The following HERC6 variants were observed in gnomAD, a reference collection of about 807,000 sequenced individuals.
HERC6 encodes probable E3 ubiquitin-protein ligase HERC6.
Under a neutral mutation model 114.5 loss-of-function variants are expected in HERC6, and 101 were observed. The observed-to-expected ratio is 0.88, with a 90% CI of 0.75 to 1.04. HERC6 has a LOEUF of 1.04. Among genes scored for constraint, HERC6 ranks in the 50% least tolerant of loss-of-function variants. The probability of loss-of-function intolerance (pLI) is 0.00; values close to 1 mark genes in which losing one functional copy is unlikely to be tolerated. For missense variants in HERC6, 1,133 were observed against 1,230.9 expected, an observed-to-expected ratio of 0.92 and a Z score of 1.19; for synonymous variants, 408 against 436.2, an observed-to-expected ratio of 0.94 and a Z score of 0.81.
At chr4:88,379,160 G>T in intron 1 of HERC6, 40 bp downstream of exon 1, 2 of 1,447,186 alleles carry the variant, frequency 1.4e-6, no homozygotes, top group Non-Finnish European at 1.8e-6. Flanking sequence ...GAGGACCCCA[G>T]TACATGGGCG....
At position 88,393,521 on chromosome 4, in the gene HERC6, T is replaced by G; in HGVS notation, c.698T>G (p.Leu233Arg). ...AACAAGCCTCTCTCAGTCGGTGCAC[T>G]GAAGAATCTAGGTGTGGTTTATATC... ...QSNKPLSVGALKNLGVVYISC... is the reference protein window; with the variant it reads ...QSNKPLSVGARKNLGVVYISC... The change falls in exon 5 of 23, where the codon CTG (leucine) becomes CGG (arginine). Residue 233 changes from leucine (L) to arginine (R), a missense_variant. Leu to Arg is a moderately radical substitution (Grantham distance 102). Coordinates refer to ENST00000264346, the MANE Select transcript of HERC6 (RefSeq NM_017912.4). 1 of 1,612,736 alleles carries G rather than the reference T, an allele frequency of 6.2e-7. No homozygotes were observed. Among genetic ancestry groups the G allele is most frequent in the Non-Finnish European group, 8.5e-7 (1 of 1,179,136 alleles).
In HERC6 at chr4:88,440,210, T is replaced by G; in HGVS notation, c.2802T>G (p.Ala934=). ...CTACTATACAGTTGTTTTGGAAGGC[T>G]TTCCACAAACTAACCTTGGATGAAA... is the stretch of plus-strand genomic sequence containing the variant. ...SHPTIQLFWK[A]FHKLTLDEKK... Residue 934 remains alanine (A), a synonymous_variant, in exon 22 of 23, where the codon GCT becomes GCG. Transcript: ENST00000264346. The G allele has an allele frequency of 6.2e-7, 1 of 1,606,216 alleles. No homozygotes were observed. Among genetic ancestry groups the G allele is most frequent in the Non-Finnish European group, 8.5e-7 (1 of 1,175,518 alleles).
At chr4:88,396,770 T>C (rs1212093758) in intron 6 of HERC6, 81 bp from the exon 7 acceptor site, 2 of 1,295,010 alleles carry the variant, frequency 1.5e-6, no homozygotes, top group African/African-American at 1.5e-5. Flanking sequence ...TTGTGTTTGT[T>C]ATTTTGTCTT....
At chr4:88,395,613 C>T (rs921557192) in intron 5 of HERC6, among the ~76,000 whole-genome samples, 41 of 152,058 alleles carry the variant, frequency 2.7e-4, no homozygotes, top group African/African-American at 9.9e-4. Flanking sequence ...ATATGAAACA[C>T]ATTATTAACT....
In HERC6 at chr4:88,385,553, C is replaced by T; in HGVS notation, c.414C>T (p.Tyr138=). 1 of 1,504,378 alleles carries T rather than the reference C, an allele frequency of 6.6e-7. No homozygotes were observed. The allele number at this position is 1,504,378 out of a possible 1,614,324, so 93.2% of individuals were successfully genotyped here. The change falls in exon 3 of 23, where the codon TAC becomes TAT. Residue 138 remains tyrosine (Y), a synonymous_variant. Coordinates refer to ENST00000264346, the MANE Select transcript of HERC6 (RefSeq NM_017912.4). ...TAATACAAGTTTCCTGTGGACACTA[C>T]CACTCCCTGGCATTATCAAAAGGTA... ...IKIIQVSCGH[Y]HSLALSKDSQ...
At chr4:88,404,588 A>G (rs564642173) in intron 8 of HERC6, among the ~76,000 whole-genome samples, 5 of 152,248 alleles carry the variant, frequency 3.3e-5, no homozygotes, top group Admixed American at 6.5e-5. Context: ...TCTTTTGGCT[A>G]TTGTAAATAA....
Position 88,432,706 on chromosome 4 carries a change from G to A in HERC6, c.2250+1401G>A, listed in dbSNP as rs1035722024. Among the ~76,000 whole-genome samples, 5 of 151,942 alleles carry A rather than the reference G, an allele frequency of 3.3e-5. No homozygotes were observed. The South Asian group carries it at 1.0e-3, about 32-fold the overall frequency. On this transcript the variant is annotated intron_variant, in intron 17 of 22. Coordinates refer to ENST00000264346, the MANE Select transcript of HERC6 (RefSeq NM_017912.4). Reference sequence around the variant, plus strand: ...ATTGCGCCATAGCACCCCAGCCTGGGCGACAGAGTGATACTCTGTTTCAAA... The same window carrying A: ...ATTGCGCCATAGCACCCCAGCCTGGACGACAGAGTGATACTCTGTTTCAAA...
chr4:88,400,368 GTTT>G (rs550173657), intron 8 of HERC6, among the ~76,000 whole-genome samples: 1 of 151,208 alleles, frequency 6.6e-6, no homozygotes, highest in African/African-American at 2.4e-5. Flanking sequence ...TGCCCAGCTG[GTTT>G]TTTTTTGTAG....
At position 88,379,207 on chromosome 4, in the gene HERC6, G is replaced by A. The variant is rs139330605; in HGVS notation, c.199+87G>A. On this transcript the variant is annotated intron_variant, in intron 1 of 22. Coordinates refer to ENST00000264346, the MANE Select transcript of HERC6 (RefSeq NM_017912.4). ...GTACCGGGCGCAGGGAACCGGGTGC[G>A]GAGCGCTGGGACCCGGGTGAGGGGC... is the stretch of plus-strand genomic sequence containing the variant. 3,936 of 1,117,702 alleles carry A rather than the reference G, an allele frequency of 3.5e-3. 98 individuals carry two copies. The African/African-American group carries it at 0.056, about 16-fold the overall frequency. 69.2% of individuals were successfully genotyped at this position (1,117,702 alleles called of 1,614,324 possible).
chr4:88,407,298 C>G (rs576135969), intron 10 of HERC6, among the ~76,000 whole-genome samples: 1 of 152,042 alleles, frequency 6.6e-6, no homozygotes, highest in East Asian at 1.9e-4. Context: ...CCAGGCTGGT[C>G]TCGAGCTACT....
intron 13 of HERC6, among the ~76,000 whole-genome samples, chr4:88,423,162 C>T (rs1478644044): frequency 6.7e-6 from 1 of 149,602 alleles, no homozygotes; most frequent in Admixed American, 6.7e-5. Flanking sequence ...ATTTGTTTTT[C>T]ATTTCCTTAA....
chr4:88,436,884 T>C, intron 18 of HERC6, 21 bp from the exon 19 acceptor site: 1 of 1,574,188 alleles, frequency 6.4e-7, no homozygotes, highest in South Asian at 1.2e-5. Flanking sequence ...ATATAATTTT[T>C]AAAACCAAAA....
intron 4 of HERC6, among the ~76,000 whole-genome samples, chr4:88,391,846 C>T (rs1553913735): frequency 2.6e-5 from 4 of 152,212 alleles, no homozygotes; most frequent in South Asian, 2.1e-4. Context: ...AACACCTAAC[C>T]TGTGCCAGTC....
chr4:88,379,715 T>C (rs1219225446), intron 1 of HERC6, among the ~76,000 whole-genome samples: 1 of 107,208 alleles, frequency 9.3e-6, no homozygotes, highest in Non-Finnish European at 1.7e-5. Context: ...ATATAATATA[T>C]AAATATATAT....
intron 8 of HERC6, among the ~76,000 whole-genome samples, chr4:88,402,472 C>T (rs183416669): frequency 1.3e-5 from 2 of 152,206 alleles, no homozygotes; most frequent in African/African-American, 4.8e-5. Flanking sequence ...TTATCTGACC[C>T]AAAATATCAG....
chr4:88,393,365 T>C (rs1735020973), intron 4 of HERC6, 123 bp from the exon 5 acceptor site: 2 of 420,596 alleles, frequency 4.8e-6, no homozygotes, highest in Admixed American at 7.9e-5. Context: ...GTTAGTGAAT[T>C]ATAAGAATAA....
intron 1 of HERC6, 102 bp downstream of exon 1, chr4:88,379,222 G>C: frequency 1.0e-6 from 1 of 970,708 alleles, no homozygotes; most frequent in African/African-American, 1.7e-5. Flanking sequence ...GCTGGGACCC[G>C]GGTGAGGGGC....
In HERC6 at chr4:88,442,246, G is replaced by A; in HGVS notation, c.2855G>A (p.Gly952Glu). Residue 952 changes from glycine (G) to glutamate (E), a missense_variant, in exon 23 of 23, where the codon GGA becomes GAA. Physicochemically the swap from Gly to Glu is moderately conservative, Grantham distance 98 (BLOSUM62 -2). This residue lies in a region of HERC6 where 388 missense variants were observed against 445.9 expected (regional missense o/e 0.87). Coordinates refer to ENST00000264346, the MANE Select transcript of HERC6 (RefSeq NM_017912.4). ...TATTCCTTTCTAGTTTTCCTTACAG[G>A]ACGTGATAGGCTGCATGCAAGAGGC... The part of the protein sequence containing the change: ...EKKKFLFFLT[G>E]RDRLHARGIQ... The A allele has an allele frequency of 6.2e-7, 1 of 1,610,614 alleles. No individual in the cohort carries two copies. Among genetic ancestry groups the A allele is most frequent in the African/African-American group, 1.3e-5 (1 of 74,974 alleles).
intron 15 of HERC6, among the ~76,000 whole-genome samples, chr4:88,425,904 C>A (rs1236067660): frequency 6.6e-6 from 1 of 151,984 alleles, no homozygotes; most frequent in African/African-American, 2.4e-5. Flanking sequence ...AGAACTTATA[C>A]CCATTATTGA....
Sources: gnomAD v4.1 joint callset for allele counts (sites outside exome capture counted in the v4.1 genomes callset) on GRCh38, gnomAD v4.1.1 for gene constraint, gnomAD v4.1.1 regional missense constraint, MANE v1.5 for transcripts, NCBI Gene and HGNC (gene_info 2026-07-23, HGNC 2026-07-21) for gene names.